The following UCHL3 variants were observed in gnomAD, a reference collection of about 807,000 sequenced individuals.
UCHL3 encodes the protein ubiquitin carboxyl-terminal hydrolase isozyme L3.
A neutral mutation model predicts 35.8 loss-of-function variants in UCHL3; 22 were observed. That is an observed-to-expected ratio of 0.61 (90% CI 0.44 to 0.88). The LOEUF (loss-of-function observed/expected upper bound fraction) is 0.88. Among genes scored for constraint, UCHL3 ranks in the 40% least tolerant of loss-of-function variants. The probability of loss-of-function intolerance (pLI) is 0.00; values close to 1 mark genes in which losing one functional copy is unlikely to be tolerated. For missense variants in UCHL3, 229 were observed against 276.9 expected (o/e 0.83, Z 1.23); for synonymous variants, 90 against 92.8 (o/e 0.97, Z 0.17).
intron 7 of UCHL3, among the ~76,000 whole-genome samples, chr13:75,599,999 G>A (rs1342500673): frequency 5.3e-5 from 8 of 152,220 alleles, no homozygotes. Flanking sequence ...TGACGAGAAA[G>A]CAAAACAGTA....
At chr13:75,583,742 A>T (rs899923496) in intron 6 of UCHL3, among the ~76,000 whole-genome samples, 2 of 152,238 alleles carry the variant, frequency 1.3e-5, no homozygotes, top group African/African-American at 4.8e-5. Context: ...TTAAGGAATA[A>T]TATGTTGCCA....
intron 7 of UCHL3, among the ~76,000 whole-genome samples, chr13:75,602,268 G>A (rs2032799622): frequency 6.6e-6 from 1 of 152,168 alleles, no homozygotes; most frequent in East Asian, 1.9e-4. Flanking sequence ...AAAGCATCTC[G>A]TGATGTTTGT....
chr13:75,557,494 G>A (rs550882845), intron 2 of UCHL3, among the ~76,000 whole-genome samples: 26 of 152,190 alleles, frequency 1.7e-4, no homozygotes, highest in African/African-American at 6.3e-4. Flanking sequence ...TTAGTCAGAG[G>A]TTTTTTTGGT....
At chr13:75,603,563 T>C (rs2032839379) in intron 7 of UCHL3, among the ~76,000 whole-genome samples, 1 of 152,172 alleles carries the variant, frequency 6.6e-6, no homozygotes, top group Admixed American at 6.5e-5. Context: ...ACTTATACTT[T>C]TGCCTTTATG....
chr13:75,596,721 TA>T (rs879622134), intron 7 of UCHL3, among the ~76,000 whole-genome samples: 3 of 151,486 alleles, frequency 2.0e-5, no homozygotes, highest in East Asian at 1.9e-4. Context: ...AGAGTTATCT[TA>T]AAAAAAAACT....
intron 2 of UCHL3, among the ~76,000 whole-genome samples, chr13:75,552,903 C>T (rs1372535787): frequency 1.3e-5 from 2 of 152,080 alleles, no homozygotes; most frequent in Non-Finnish European, 2.9e-5. Context: ...TATTGTTGTG[C>T]TTCAGAACTA....
chr13:75,587,236 A>G (rs2032351895), intron 6 of UCHL3, among the ~76,000 whole-genome samples: 1 of 152,044 alleles, frequency 6.6e-6, no homozygotes, highest in South Asian at 2.1e-4. Flanking sequence ...AAAATGATTT[A>G]TTAAAAAATG....
intron 2 of UCHL3, among the ~76,000 whole-genome samples, chr13:75,559,527 A>G (rs1309949101): frequency 6.6e-6 from 1 of 152,198 alleles, no homozygotes; most frequent in Admixed American, 6.5e-5. Context: ...AAATGAAGGG[A>G]TAAGGATAGT....
chr13:75,598,688 T>C (rs896878944), intron 7 of UCHL3, among the ~76,000 whole-genome samples: 2 of 152,226 alleles, frequency 1.3e-5, no homozygotes, highest in African/African-American at 4.8e-5. Context: ...GTGCATCATA[T>C]CGAGAGGCAC....
chr13:75,567,641 G>T (rs991969792), intron 5 of UCHL3, among the ~76,000 whole-genome samples: 31 of 151,908 alleles, frequency 2.0e-4, no homozygotes, highest in African/African-American at 7.2e-4. Flanking sequence ...TCTGCCTCCT[G>T]GGTTCAAGCA....
intron 7 of UCHL3, among the ~76,000 whole-genome samples, chr13:75,600,274 C>T (rs2032745707): frequency 6.6e-6 from 1 of 152,182 alleles, no homozygotes; most frequent in Non-Finnish European, 1.5e-5. Context: ...GAAGATCAAG[C>T]TCAGATCTTC....
chr13:75,588,325 C>T (rs1171720214), intron 6 of UCHL3, among the ~76,000 whole-genome samples: 1 of 151,946 alleles, frequency 6.6e-6, no homozygotes, highest in Non-Finnish European at 1.5e-5. Context: ...TATTAGTCAC[C>T]TCTCCTTCTA....
rs780690932 is a variant in UCHL3 at position 75,605,721 on chromosome 13, C to G, written c.610-8C>G. On this transcript the variant is annotated splice_region_variant and splice_polypyrimidine_tract_variant and intron_variant, in intron 8 of 8. Transcript: ENST00000377595. Reference sequence around the variant, plus strand: ...CTGAAAAATCATACTTTTTTTTTTCCTCCATAGGATGCCATAGAAGTTTGC... The same window carrying G: ...CTGAAAAATCATACTTTTTTTTTTCGTCCATAGGATGCCATAGAAGTTTGC... The G allele has an allele frequency of 1.2e-6, 2 of 1,600,400 alleles. No individual in the cohort carries two copies. Among genetic ancestry groups the G allele is most frequent in the Non-Finnish European group, 1.7e-6 (2 of 1,175,602 alleles).
At chr13:75,592,607 G>T (rs2032542879) in intron 6 of UCHL3, among the ~76,000 whole-genome samples, 1 of 147,734 alleles carries the variant, frequency 6.8e-6, no homozygotes, top group African/African-American at 2.5e-5. Context: ...TAACTTTTAA[G>T]CAATTAAATA....
intron 2 of UCHL3, 78 bp from the exon 3 acceptor site, chr13:75,560,675 A>G: frequency 7.5e-7 from 1 of 1,340,458 alleles, no homozygotes; most frequent in South Asian, 1.4e-5. Flanking sequence ...TTTCCCTTTT[A>G]ACACTATGTA....
At position 75,581,412 on chromosome 13, in the gene UCHL3, C is replaced by T. The variant is rs9593102; in HGVS notation, c.474+11905C>T. ...TTGCTCAGGCGGCAGTGCAGTGGGT[C>T]GATCTTGGCTCCCTGTAGCCTTGAT... On this transcript the variant is annotated intron_variant, in intron 6 of 8. Transcript: ENST00000377595. Among the ~76,000 whole-genome samples, 916 of 149,462 alleles carry T rather than the reference C, an allele frequency of 6.1e-3. 7 individuals are homozygous for T. Among genetic ancestry groups the T allele is most frequent in the African/African-American group, 0.02 (827 of 40,526 alleles).
chr13:75,558,990 A>G (rs2031387305), intron 2 of UCHL3, among the ~76,000 whole-genome samples: 1 of 149,396 alleles, frequency 6.7e-6, no homozygotes, highest in Non-Finnish European at 1.5e-5. Context: ...AAGAATGGAT[A>G]TAATGTAGAG....
At position 75,605,931 on chromosome 13, in the gene UCHL3, A is replaced by C; in HGVS notation, c.*119A>C. ...TTGATGATTAAACTTTATGTGAGTTAAACTTTGCCTTAACCTGTGTTTTAT... is the reference window on the plus strand; with the variant it reads ...TTGATGATTAAACTTTATGTGAGTTCAACTTTGCCTTAACCTGTGTTTTAT... On this transcript the variant is annotated 3_prime_UTR_variant, in exon 9 of 9. Coordinates refer to ENST00000377595, the MANE Select transcript of UCHL3 (RefSeq NM_006002.5). The C allele has an allele frequency of 1.0e-6, 1 of 981,824 alleles. No homozygotes were observed. Among genetic ancestry groups the C allele is most frequent in the East Asian group, 2.6e-5 (1 of 39,168 alleles). 60.8% of individuals were successfully genotyped at this position (981,824 alleles called of 1,614,324 possible). A position where few individuals can be genotyped will look rare whatever the true frequency, so the allele number is the denominator to read the frequency against.
At chr13:75,582,251 A>C (rs1169409140) in intron 6 of UCHL3, among the ~76,000 whole-genome samples, 7 of 152,232 alleles carry the variant, frequency 4.6e-5, no homozygotes, top group Non-Finnish European at 1.0e-4. Context: ...TAAAAATCTC[A>C]TGCAACAATT....
Sources: allele counts gnomAD v4.1 joint callset (sites outside exome capture counted in the v4.1 genomes callset), GRCh38; gene constraint gnomAD v4.1.1; transcripts MANE v1.5; gene names NCBI Gene and HGNC (gene_info 2026-07-23, HGNC 2026-07-21).